The following KLHL29 variants were observed in gnomAD, a reference collection of about 807,000 sequenced individuals.
KLHL29 encodes the protein kelch-like protein 29.
Under a neutral mutation model 80.4 loss-of-function variants are expected in KLHL29, and 21 were observed. The observed-to-expected ratio is 0.26, with a 90% confidence interval of 0.19 to 0.38. The LOEUF is 0.38. Among genes scored for constraint, KLHL29 ranks in the 10% least tolerant of loss-of-function variants. KLHL29 has a pLI of 1.00. For missense variants in KLHL29, 867 were observed against 1,223.9 expected, an observed-to-expected ratio of 0.71 and a Z score of 4.35; for synonymous variants, 511 against 526.8, an observed-to-expected ratio of 0.97 and a Z score of 0.41.
At chr2:23,639,108 C>A in intron 3 of KLHL29, 31 bp from the exon 4 acceptor site, 1 of 1,504,466 alleles carries the variant, frequency 6.6e-7, no homozygotes, top group Non-Finnish European at 8.9e-7. Context: ...TCTGGCCAGG[C>A]TATGCTCACC....
At chr2:23,609,271 C>CT (rs1478185645) in intron 3 of KLHL29, among the ~76,000 whole-genome samples, 1 of 152,088 alleles carries the variant, frequency 6.6e-6, no homozygotes. Context: ...GGCACTGTGT[C>CT]TAAGTCGAGG....
chr2:23,562,356 C>A lies in KLHL29; in HGVS notation c.160C>A (p.Leu54Met), dbSNP rs1191541810. The A allele has an allele frequency of 6.5e-7, 1 of 1,542,740 alleles. No individual in the cohort carries two copies. Among genetic ancestry groups the A allele is most frequent in the African/African-American group, 1.4e-5 (1 of 72,974 alleles). The part of the protein sequence containing the change: ...ASSLSVRPGL[L>M]PLPVVPSRLP... ...CAGCCTCAGCGTCCGGCCCGGCCTC[C>A]TGCCGCTGCCCGTGGTGCCCTCCCG... The change falls in exon 3 of 14, where the codon CTG becomes ATG. Residue 54 changes from leucine (L) to methionine (M), a missense_variant. Leu to Met is a conservative substitution (Grantham distance 15). Transcript: ENST00000486442. This position sits in a 1 kb window ranked among gnomAD's most constrained non-coding sequence, Gnocchi z 4.5.
Position 23,589,920 on chromosome 2 carries a change from G to A in KLHL29, c.285+27439G>A, listed in dbSNP as rs184859904. 2.4e-3 allele frequency among the ~76,000 whole-genome samples: 371 copies of A among 152,340 alleles called. 7 individuals are homozygous for A. The highest frequency in any genetic ancestry group is 0.022 in the Admixed American group (341 of 15,310). On this transcript the variant is annotated intron_variant, in intron 3 of 13. Transcript: ENST00000486442. The stretch of plus-strand genomic sequence containing the variant: ...AGCTGTGCACTGAACAACTGTCAAC[G>A]TCTATTCTGGGTCCTGCCATATTGT...
At chr2:23,608,750 G>C (rs751754117) in intron 3 of KLHL29, among the ~76,000 whole-genome samples, 2 of 152,032 alleles carry the variant, frequency 1.3e-5, no homozygotes, top group Admixed American at 6.5e-5. Context: ...ATCCATTCTC[G>C]CACAGAGCAC....
chr2:23,543,962 G>A (rs1017415682), intron 2 of KLHL29, among the ~76,000 whole-genome samples: 1 of 152,194 alleles, frequency 6.6e-6, no homozygotes, highest in African/African-American at 2.4e-5. Context: ...CTGGGTCGGG[G>A]CTTGCTGGAC....
chr2:23,597,395 ATATATATATATATTTTT>A (rs1162836482), intron 3 of KLHL29, among the ~76,000 whole-genome samples: 1 of 89,308 alleles, frequency 1.1e-5, no homozygotes, highest in Non-Finnish European at 2.0e-5. Context: ...ATATATATAT[ATATATATATATATTTTT>A]TTTTTTTTTT....
intron 3 of KLHL29, among the ~76,000 whole-genome samples, chr2:23,586,161 T>TGGCC (rs776114595): frequency 1.1e-4 from 17 of 152,082 alleles, no homozygotes; most frequent in Non-Finnish European, 2.4e-4. Flanking sequence ...CAGAAAATGC[T>TGGCC]ACTTAAAAAA....
At chr2:23,425,152 A>G (rs1021482413) in intron 1 of KLHL29, among the ~76,000 whole-genome samples, 2 of 152,358 alleles carry the variant, frequency 1.3e-5, no homozygotes, top group Non-Finnish European at 2.9e-5. Flanking sequence ...ATCCTTGAAT[A>G]ATATACTCAT....
rs182907365 is a variant in KLHL29 at position 23,706,548 on chromosome 2, G to A, written c.2512G>A (p.Gly838Ser). 67 of 1,537,048 alleles carry A rather than the reference G, an allele frequency of 4.4e-5. No individual in the cohort carries two copies. The East Asian group carries it at 1.5e-3, about 34-fold the overall frequency. Residue 838 changes from glycine to serine, a missense_variant, in exon 14 of 14, where the codon GGC (glycine) becomes AGC (serine). Gly to Ser is a moderately conservative substitution (Grantham distance 56, BLOSUM62 0). Around this residue, in one of 2 missense-constraint regions of KLHL29, gnomAD observed 443 missense variants for 767.0 expected, o/e 0.58. Coordinates refer to ENST00000486442, the MANE Select transcript of KLHL29 (RefSeq NM_052920.2). The stretch of plus-strand genomic sequence containing the variant: ...TGTCAGCAGTGAAGGGCCCGCGCTG[G>A]GCAACATGGAGGCCTACGAGCCCAC... Reference protein sequence around the residue: ...GIVSSEGPALGNMEAYEPTTN... With the variant: ...GIVSSEGPALSNMEAYEPTTN...
At chr2:23,685,407 C>T (rs180709114) in intron 6 of KLHL29, 1 of 152,474 alleles carries the variant, frequency 6.6e-6, no homozygotes, top group Non-Finnish European at 1.5e-5. Context: ...AACGCCGCTG[C>T]TCCTCTTGCC....
chr2:23,467,748 C>T (rs1365029039), intron 1 of KLHL29, among the ~76,000 whole-genome samples: 2 of 152,056 alleles, frequency 1.3e-5, no homozygotes, highest in South Asian at 2.1e-4. Context: ...TGGCTGCAGG[C>T]GGGATGGGAA....
chr2:23,488,857 C>T (rs1296373789), intron 2 of KLHL29, among the ~76,000 whole-genome samples: 1 of 152,190 alleles, frequency 6.6e-6, no homozygotes, highest in African/African-American at 2.4e-5. Context: ...AATGCAAAGC[C>T]ATCTACCTCT....
chr2:23,636,107 C>G (rs1037355711), intron 3 of KLHL29, among the ~76,000 whole-genome samples: 1 of 152,142 alleles, frequency 6.6e-6, no homozygotes, highest in Non-Finnish European at 1.5e-5. Context: ...TTCCAGAACC[C>G]GGGGACCACA....
At chr2:23,510,739 G>C (rs183701623) in intron 2 of KLHL29, among the ~76,000 whole-genome samples, 208 of 152,318 alleles carry the variant, frequency 1.4e-3, no homozygotes, top group Admixed American at 3.8e-3. Context: ...CTGCCCTAAG[G>C]GAGACAAGTG....
chr2:23,533,519 G>A (rs1373438953), intron 2 of KLHL29, among the ~76,000 whole-genome samples: 7 of 152,154 alleles, frequency 4.6e-5, no homozygotes, highest in South Asian at 2.1e-4. Flanking sequence ...GCCCTGGGTC[G>A]TAGATGCAGC....
At chr2:23,555,660 G>A (rs977692743) in intron 2 of KLHL29, among the ~76,000 whole-genome samples, 1 of 152,240 alleles carries the variant, frequency 6.6e-6, no homozygotes, top group African/African-American at 2.4e-5. Flanking sequence ...TGGTGAGCAG[G>A]TGAGTCAGCA....
chr2:23,402,947 A>G (rs951172747), intron 1 of KLHL29, among the ~76,000 whole-genome samples: 5 of 150,116 alleles, frequency 3.3e-5, no homozygotes, highest in Non-Finnish European at 4.4e-5. Flanking sequence ...ATAATCTTAT[A>G]TGTGTATGTA....
At chr2:23,522,399 C>T (rs1004388447) in intron 2 of KLHL29, among the ~76,000 whole-genome samples, 1 of 152,142 alleles carries the variant, frequency 6.6e-6, no homozygotes, top group Non-Finnish European at 1.5e-5. Flanking sequence ...ATCCACCTGC[C>T]TCAGCCTCCC....
intron 1 of KLHL29, among the ~76,000 whole-genome samples, chr2:23,400,105 G>A (rs1666550560): frequency 6.6e-6 from 1 of 152,184 alleles, no homozygotes; most frequent in African/African-American, 2.4e-5. Context: ...TGGTGACTCA[G>A]CACTAGGGAC....
Sources: allele counts gnomAD v4.1 joint callset (sites outside exome capture counted in the v4.1 genomes callset), GRCh38; gene constraint gnomAD v4.1.1; regional missense constraint gnomAD v4.1.1; non-coding constraint Gnocchi (gnomAD v3.1); transcripts MANE v1.5; gene names NCBI Gene and HGNC (gene_info 2026-07-23, HGNC 2026-07-21).